The following TRANK1 variants were observed in gnomAD, a reference collection of about 807,000 sequenced individuals.
The protein encoded by TRANK1 is tetratricopeptide repeat and ankyrin repeat containing 1.
A neutral mutation model predicts 266.0 loss-of-function variants in TRANK1; 198 were observed. The ratio of observed to expected loss-of-function variants is 0.74; its 90% CI spans 0.66 to 0.84. TRANK1 has a LOEUF of 0.84. TRANK1 is among the 40% of genes least tolerant of loss of function. The pLI is 0.00. For missense variants in TRANK1, 3,326 were observed against 3,634.6 expected (o/e 0.92, Z 2.18); for synonymous variants, 1,396 against 1,384.1 (o/e 1.01, Z -0.19).
chr3:36,851,793 C>G lies in TRANK1; in HGVS notation c.4813G>C (p.Val1605Leu). The change falls in exon 15 of 24, where the codon GTG becomes CTG. Residue 1605 changes from valine (V) to leucine (L), a missense_variant. Val to Leu is a conservative substitution (Grantham distance 32). Coordinates refer to ENST00000645898, the MANE Select transcript of TRANK1 (RefSeq NM_001329998.2). ...CCTTTTGCTTCATAAATTGTTAGCA[C>G]AAGTGCTAACCCCAGCTCTTCTGGA... is the stretch of plus-strand genomic sequence containing the variant. The part of the protein sequence containing the change: ...KIPEELGLAL[V>L]LTIYEAKGLE... The G allele has an allele frequency of 6.2e-7, 1 of 1,612,110 alleles. No homozygotes were observed. Among genetic ancestry groups the G allele is most frequent in the Non-Finnish European group, 8.5e-7 (1 of 1,178,976 alleles).
chr3:36,872,476 T>A (rs12488181), intron 9 of TRANK1, among the ~76,000 whole-genome samples: 36,845 of 151,578 alleles, frequency 0.24, 5,453 homozygotes, highest in East Asian at 0.57. Context: ...AAACTTTTTT[T>A]AAAAAAAAAG....
At chr3:36,846,836 T>C (rs1337244109) in intron 16 of TRANK1, among the ~76,000 whole-genome samples, 1 of 152,234 alleles carries the variant, frequency 6.6e-6, no homozygotes, top group African/African-American at 2.4e-5. Flanking sequence ...CTGTGATTTA[T>C]TTTTAAAAAT....
chr3:36,895,705 T>C lies in TRANK1; in HGVS notation c.487A>G (p.Thr163Ala), dbSNP rs1559459695. 6.5e-7 allele frequency: 1 copy of C among 1,536,814 alleles called. No individual in the cohort carries two copies. Among genetic ancestry groups the C allele is most frequent in the African/African-American group, 1.4e-5 (1 of 73,142 alleles). The stretch of plus-strand genomic sequence containing the variant: ...TGCCACACTTCTGTTGGGAATCCAG[T>C]TGTGAAAATATGATCAAAGCAAGGC... The part of the protein sequence containing the change: ...FLPCFDHIFT[T>A]GFPTEVWQSV... The change falls in exon 5 of 24, where the codon ACT becomes GCT. Residue 163 changes from threonine to alanine, a missense_variant. Physicochemically the swap from Thr to Ala is moderately conservative, Grantham distance 58. Coordinates refer to ENST00000645898, the MANE Select transcript of TRANK1 (RefSeq NM_001329998.2).
At chr3:36,866,114 A>AAG (rs1422450922) in intron 9 of TRANK1, among the ~76,000 whole-genome samples, 15 of 148,350 alleles carry the variant, frequency 1.0e-4, no homozygotes, top group Non-Finnish European at 2.2e-4. Context: ...GAAAGAAAGA[A>AAG]AGAGTCACCG....
At chr3:36,924,934 T>A (rs982525625) in intron 1 of TRANK1, among the ~76,000 whole-genome samples, 4 of 152,166 alleles carry the variant, frequency 2.6e-5, no homozygotes, top group South Asian at 2.1e-4. Flanking sequence ...ACAGCTCACC[T>A]TAACTGGTAA....
At chr3:36,884,389 C>T (rs773092802) in intron 8 of TRANK1, among the ~76,000 whole-genome samples, 5 of 152,122 alleles carry the variant, frequency 3.3e-5, no homozygotes, top group African/African-American at 1.2e-4. Flanking sequence ...ACAGGGACCA[C>T]GCAATATGAA....
chr3:36,934,557 C>G (rs1170398261), intron 1 of TRANK1, among the ~76,000 whole-genome samples: 1 of 152,146 alleles, frequency 6.6e-6, no homozygotes, highest in Non-Finnish European at 1.5e-5. Context: ...GTCTATAATA[C>G]CAGGGGTGTC....
At chr3:36,931,962 C>T (rs759747106) in intron 1 of TRANK1, among the ~76,000 whole-genome samples, 12 of 152,080 alleles carry the variant, frequency 7.9e-5, no homozygotes, top group South Asian at 6.2e-4. Context: ...ATTATTTACC[C>T]TTATTGGGAG....
At chr3:36,935,101 C>A (rs2080406793) in intron 1 of TRANK1, among the ~76,000 whole-genome samples, 2 of 152,208 alleles carry the variant, frequency 1.3e-5, no homozygotes, top group African/African-American at 4.8e-5. Context: ...CCCCATCTGC[C>A]TCCCAGCACA....
intron 1 of TRANK1, among the ~76,000 whole-genome samples, chr3:36,908,889 T>C (rs1199335852): frequency 1.3e-5 from 2 of 152,220 alleles, no homozygotes; most frequent in African/African-American, 4.8e-5. Context: ...AAAAATCTGC[T>C]GATGGCATTT....
chr3:36,919,420 C>T (rs750533744), intron 1 of TRANK1, among the ~76,000 whole-genome samples: 2 of 152,214 alleles, frequency 1.3e-5, no homozygotes, highest in Non-Finnish European at 2.9e-5. Flanking sequence ...AAAGATTATC[C>T]ATGTGAGACT....
chr3:36,884,305 C>G (rs2079571237), intron 8 of TRANK1, among the ~76,000 whole-genome samples: 1 of 152,150 alleles, frequency 6.6e-6, no homozygotes, highest in South Asian at 2.1e-4. Context: ...TACCTAGTAC[C>G]AGATCTTGTT....
In TRANK1 at chr3:36,855,256, C is replaced by T. The variant is rs1250700761; in HGVS notation, c.4466G>A (p.Ser1489Asn). 6.2e-7 allele frequency: 1 copy of T among 1,614,064 alleles called. No individual in the cohort carries two copies. Among genetic ancestry groups the T allele is most frequent in the Non-Finnish European group, 8.5e-7 (1 of 1,179,900 alleles). The stretch of plus-strand genomic sequence containing the variant: ...ACACTGCTTGTCTATGGTGTTTCTG[C>T]TGGCATAATGGAACAGAGAGCGCAG... The part of the protein sequence containing the change: ...SDLRSLFHYA[S>N]RNTIDKQCAV... Residue 1489 changes from serine (S) to asparagine (N), a missense_variant, in exon 13 of 24, where the codon AGC becomes AAC. By Grantham distance (46) the Ser-to-Asn change is conservative. Transcript: ENST00000645898.
Position 36,864,491 on chromosome 3 carries a change from G to T in TRANK1, c.1079-11C>A, listed in dbSNP as rs79277504. 2.5e-4 allele frequency: 378 copies of T among 1,513,220 alleles called. 7 individuals carry two copies. In the East Asian group the frequency reaches 9.2e-3, roughly 37 times the overall value. The allele number at this position is 1,513,220 out of a possible 1,614,324, so 93.7% of individuals were successfully genotyped here. ...CACCATTGCTGAATCCTACAAAACA[G>T]CACCAGGTAATGCTTCTGAATACAG... On this transcript the variant is annotated splice_polypyrimidine_tract_variant and intron_variant, in intron 9 of 23. Coordinates refer to ENST00000645898, the MANE Select transcript of TRANK1 (RefSeq NM_001329998.2).
In TRANK1 at chr3:36,864,369, A is replaced by G; in HGVS notation, c.1190T>C (p.Leu397Pro). The part of the protein sequence containing the change: ...SGNRLLHKNF[L>P]KQEVVQRFLR... ...GAACCTCTGAACTACTTCCTGCTTC[A>G]GAAAGTTTTTATGCAATAACCGGTT... The change falls in exon 10 of 24, where the codon CTG (leucine) becomes CCG (proline). Residue 397 changes from leucine (L) to proline (P), a missense_variant. Coordinates refer to ENST00000645898, the MANE Select transcript of TRANK1 (RefSeq NM_001329998.2). 1 of 1,537,016 alleles carries G rather than the reference A, an allele frequency of 6.5e-7. No individual in the cohort carries two copies. Among genetic ancestry groups the G allele is most frequent in the East Asian group, 2.4e-5 (1 of 40,920 alleles).
At position 36,903,129 on chromosome 3, in the gene TRANK1, T is replaced by G. The variant is rs2079908152; in HGVS notation, c.282+20A>C. 9 of 1,534,914 alleles carry G rather than the reference T, an allele frequency of 5.9e-6. No homozygotes were observed. Among genetic ancestry groups the G allele is most frequent in the Non-Finnish European group, 7.9e-6 (9 of 1,145,394 alleles). On this transcript the variant is annotated intron_variant, in intron 3 of 23. Coordinates refer to ENST00000645898, the MANE Select transcript of TRANK1 (RefSeq NM_001329998.2). ...TACTCTCAAGTCATCTCCCCACACC[T>G]TCACCCTCCCACCCCATACCTTCAC...
At chr3:36,839,933 T>C (rs956527928) in intron 18 of TRANK1, among the ~76,000 whole-genome samples, 5 of 152,182 alleles carry the variant, frequency 3.3e-5, no homozygotes, top group African/African-American at 1.2e-4. Flanking sequence ...AAAAACTCAA[T>C]AAACCACCTG....
At chr3:36,865,191 C>G (rs113820979) in intron 9 of TRANK1, among the ~76,000 whole-genome samples, 4 of 151,978 alleles carry the variant, frequency 2.6e-5, no homozygotes, top group Non-Finnish European at 4.4e-5. Flanking sequence ...CCGCGCCTGG[C>G]TAATTTTTGT....
chr3:36,844,835 A>G (rs918414682), intron 17 of TRANK1, among the ~76,000 whole-genome samples: 1 of 152,168 alleles, frequency 6.6e-6, no homozygotes, highest in Admixed American at 6.5e-5. Context: ...TGGCTGAGGA[A>G]TGCTCAGGAC....
Sources: allele counts gnomAD v4.1 joint callset (sites outside exome capture counted in the v4.1 genomes callset), GRCh38; gene constraint gnomAD v4.1.1; transcripts MANE v1.5; gene names NCBI Gene and HGNC (gene_info 2026-07-23, HGNC 2026-07-21).